TBL1X: variants seen among roughly 807,000 people sequenced by gnomAD.
TBL1X encodes the protein transducin beta like 1 X-linked, also known as F-box-like/WD repeat-containing protein TBL1X.
Under a neutral mutation model 50.7 loss-of-function variants are expected in TBL1X, and 10 were observed. The ratio of observed to expected loss-of-function variants is 0.20; its 90% CI spans 0.12 to 0.33. The LOEUF (loss-of-function observed/expected upper bound fraction) is 0.33, where lower values mean the gene tolerates loss of function less well. Ranked by LOEUF, TBL1X falls within the 10% of genes least tolerant of loss-of-function variation. The probability of loss-of-function intolerance (pLI) is 1.00; values close to 1 mark genes in which losing one functional copy is unlikely to be tolerated. For synonymous variants in TBL1X, 190 were observed against 214.7 expected, an observed-to-expected ratio of 0.88 and a Z score of 1.01; for missense variants, 340 against 504.4, an observed-to-expected ratio of 0.67 and a Z score of 3.12.
intron 3 of TBL1X, among the ~76,000 whole-genome samples, chrX:9,651,154 A>G (rs1368777893): frequency 9.3e-6 from 1 of 107,606 alleles, no homozygotes; most frequent in Admixed American, 1.0e-4. Flanking sequence ...CAGTCTCCTG[A>G]GTAGCTGGGA....
intron 12 of TBL1X, among the ~76,000 whole-genome samples, 189 bp downstream of exon 12, chrX:9,697,618 A>G (rs1003750550): frequency 2.1e-4 from 23 of 111,984 alleles, no homozygotes; most frequent in Admixed American, 7.6e-4. Flanking sequence ...AAAAAATACG[A>G]TAACTAGCCA....
At position 9,523,416 on chromosome X, in the gene TBL1X, C is replaced by A. The variant is rs148639225; in HGVS notation, c.-131+21567C>A. The stretch of plus-strand genomic sequence containing the variant: ...GGCAGCATTACCCACACTGGGCCAC[C>A]GTGGGCCAAGTCACCCACACTGGGC... On this transcript the variant is annotated intron_variant, in intron 2 of 17. Coordinates refer to ENST00000645353, the MANE Select transcript of TBL1X (RefSeq NM_005647.4). Among the ~76,000 whole-genome samples, 924 of 111,704 alleles carry A rather than the reference C, an allele frequency of 8.3e-3. 15 individuals carry two copies. The highest frequency in any genetic ancestry group is 0.029 in the African/African-American group (887 of 30,719).
chrX:9,667,248 G>A (rs930408803), intron 5 of TBL1X, among the ~76,000 whole-genome samples: 10 of 111,716 alleles, frequency 9.0e-5, no homozygotes, highest in Admixed American at 7.6e-4. Context: ...GTGACAGAGC[G>A]AGACTCCGTT....
At chrX:9,508,017 C>T (rs900868978) in intron 2 of TBL1X, among the ~76,000 whole-genome samples, 1 of 112,337 alleles carries the variant, frequency 8.9e-6, no homozygotes, top group African/African-American at 3.2e-5. Flanking sequence ...CAATACCATT[C>T]ATGACATAGG....
rs182107138 is a variant in TBL1X at position 9,660,940 on chromosome X, A to G, written c.211+6618A>G. Among the ~76,000 whole-genome samples, 280 of 112,283 alleles carry G rather than the reference A, an allele frequency of 2.5e-3. 3 individuals are homozygous for G. Among genetic ancestry groups the G allele is most frequent in the African/African-American group, 8.5e-3 (264 of 30,887 alleles). On this transcript the variant is annotated intron_variant, in intron 5 of 17. Coordinates refer to ENST00000645353, the MANE Select transcript of TBL1X (RefSeq NM_005647.4). ...GGGGCCTTTAGGAGGTGATGAAGTC[A>G]TGAGGAGAGCTCCTTTGCCCCTTCT... is the stretch of plus-strand genomic sequence containing the variant.
At position 9,599,259 on chromosome X, in the gene TBL1X, A is replaced by G. The variant is rs747594046; in HGVS notation, c.-130-41014A>G. Among the ~76,000 whole-genome samples the G allele has an allele frequency of 3.3e-3, 368 of 111,410 alleles. 7 individuals are homozygous for G. Among genetic ancestry groups the G allele is most frequent in the Non-Finnish European group, 4.4e-3 (235 of 53,053 alleles). On this transcript the variant is annotated intron_variant, in intron 2 of 17. Transcript: ENST00000645353. Reference sequence around the variant, plus strand: ...GCAACTGGCCAAATTTCCCCTTTTTATAAGGACTCCAGTCACATTGGCTTA... The same window carrying G: ...GCAACTGGCCAAATTTCCCCTTTTTGTAAGGACTCCAGTCACATTGGCTTA...
intron 5 of TBL1X, among the ~76,000 whole-genome samples, chrX:9,679,805 G>A (rs764875352): frequency 5.4e-5 from 6 of 111,733 alleles, no homozygotes; most frequent in Non-Finnish European, 1.1e-4. Flanking sequence ...AGGTGTGGAG[G>A]CAGGCATTAC....
chrX:9,589,550 T>G (rs974465437), intron 2 of TBL1X, among the ~76,000 whole-genome samples: 1 of 111,617 alleles, frequency 9.0e-6, no homozygotes. Flanking sequence ...GTGATCTGCC[T>G]GGATGCCGGT....
chrX:9,702,441 CA>C (rs368394481), intron 12 of TBL1X, among the ~76,000 whole-genome samples: 484 of 45,192 alleles, frequency 0.011, 2 homozygotes, highest in African/African-American at 0.022. Context: ...GATCCTGTCT[CA>C]AAAAAAAAAA....
At chrX:9,705,444 G>GA (rs771823883) in intron 13 of TBL1X, among the ~76,000 whole-genome samples, 2,030 of 110,176 alleles carry the variant, frequency 0.018, 28 homozygotes, top group Middle Eastern at 0.037. Context: ...GCAGTGAATA[G>GA]AAAAAAAAAT....
At chrX:9,709,133 C>G (rs1016718746) in intron 13 of TBL1X, 115 bp from the exon 14 acceptor site, 95 of 686,406 alleles carry the variant, frequency 1.4e-4, no homozygotes, top group Non-Finnish European at 8.4e-5. Flanking sequence ...TGATGTCAGG[C>G]TGAAGCCGAA....
At chrX:9,465,628 C>G (rs915038015) in intron 1 of TBL1X, among the ~76,000 whole-genome samples, 181 bp downstream of exon 1, 4 of 112,576 alleles carry the variant, frequency 3.6e-5, no homozygotes, top group Non-Finnish European at 1.9e-5. Context: ...GACTGGGGTG[C>G]GGCGCGCTCC....
chrX:9,714,904 T>C lies in TBL1X; in HGVS notation c.1608T>C (p.Ser536=), dbSNP rs1026395329. ...GTGACAGCTGCTTTGCTTTGCAGAG[T>C]GGAAATCTTGTCCACAGCTACCGAG... is the stretch of plus-strand genomic sequence containing the variant. ...DKCVHIWNTQ[S]GNLVHSYRGT... Residue 536 remains serine, a splice_region_variant and synonymous_variant, in exon 17 of 18, where the codon AGT becomes AGC. Transcript: ENST00000645353. The C allele has an allele frequency of 1.7e-6, 2 of 1,209,505 alleles. No individual in the cohort carries two copies. The highest frequency in any genetic ancestry group is 2.2e-6 in the Non-Finnish European group (2 of 894,442).
chrX:9,618,475 A>G (rs947948616), intron 2 of TBL1X, among the ~76,000 whole-genome samples: 4 of 111,796 alleles, frequency 3.6e-5, no homozygotes, highest in South Asian at 7.5e-4. Context: ...CAGGAGTTCA[A>G]GACCAGCCTG....
chrX:9,603,710 A>G (rs2082568290), intron 2 of TBL1X, among the ~76,000 whole-genome samples: 1 of 111,691 alleles, frequency 9.0e-6, no homozygotes, highest in Non-Finnish European at 1.9e-5. Context: ...GCAACGTGCC[A>G]CCAACTGGCT....
chrX:9,614,261 A>T (rs1399418496), intron 2 of TBL1X, among the ~76,000 whole-genome samples: 1 of 111,108 alleles, frequency 9.0e-6, no homozygotes, highest in Non-Finnish European at 1.9e-5. Context: ...ACTCTTTCCA[A>T]GCTCCCACTT....
intron 2 of TBL1X, among the ~76,000 whole-genome samples, chrX:9,613,966 A>G (rs780260266): frequency 7.3e-5 from 7 of 96,055 alleles, no homozygotes; most frequent in Admixed American, 5.7e-4. Flanking sequence ...AGCCTGGGCG[A>G]CAGAGTGAGA....
chrX:9,581,146 T>TG (rs1048085606), intron 2 of TBL1X, among the ~76,000 whole-genome samples: 1 of 112,226 alleles, frequency 8.9e-6, no homozygotes, highest in Non-Finnish European at 1.9e-5. Flanking sequence ...ATCCATCATG[T>TG]GTCCCTAGGA....
chrX:9,631,095 T>G (rs1342784585), intron 2 of TBL1X, among the ~76,000 whole-genome samples: 1 of 111,836 alleles, frequency 8.9e-6, no homozygotes, highest in Non-Finnish European at 1.9e-5. Context: ...TTAAATCCAG[T>G]TTCACAATCT....
Sources: allele counts gnomAD v4.1 joint callset (sites outside exome capture counted in the v4.1 genomes callset), GRCh38; gene constraint gnomAD v4.1.1; transcripts MANE v1.5; gene names NCBI Gene and HGNC (gene_info 2026-07-23, HGNC 2026-07-21).